Variants in HOXB6 observed in about 807,000 individuals in gnomAD.
The protein encoded by HOXB6 is homeobox B6.
Under a neutral mutation model 24.2 loss-of-function variants are expected in HOXB6, and 18 were observed. That is an observed-to-expected ratio of 0.74 (90% CI 0.51 to 1.10). HOXB6 has a LOEUF of 1.10. Among genes scored for constraint, HOXB6 ranks in the 50% least tolerant of loss-of-function variants. The probability of loss-of-function intolerance (pLI) is 0.00; values close to 1 mark genes in which losing one functional copy is unlikely to be tolerated. For missense variants in HOXB6, 332 were observed against 308.3 expected (o/e 1.08, Z -0.58); for synonymous variants, 159 against 139.1 (o/e 1.14, Z -1.01).
intron 2 of HOXB6, among the ~76,000 whole-genome samples, chr17:48,600,149 T>C (rs960652819): frequency 3.3e-5 from 5 of 152,162 alleles, no homozygotes; most frequent in Admixed American, 6.5e-5. Flanking sequence ...TATCTAGGTA[T>C]GGCTGGGCTT....
At position 48,598,094 on chromosome 17, in the gene HOXB6, C is replaced by T; in HGVS notation, c.57G>A (p.Glu19=). Residue 19 remains glutamate (E), a synonymous_variant, in exon 3 of 4, where the codon GAG becomes GAA. Transcript: ENST00000225648. The part of the protein sequence containing the change: ...TFPVTLASGQ[E]SFLGQLPLYS... ...AGAGCGGTAGCTGGCCCAGGAAGGA[C>T]TCCTGCCCGCTGGCCAGAGTGACGG... is the stretch of plus-strand genomic sequence containing the variant. 2.5e-6 allele frequency: 4 copies of T among 1,602,116 alleles called. No homozygotes were observed. Among genetic ancestry groups the T allele is most frequent in the Non-Finnish European group, 3.4e-6 (4 of 1,172,458 alleles).
At chr17:48,603,228 T>C (rs1283695523) in intron 2 of HOXB6, among the ~76,000 whole-genome samples, 1 of 152,184 alleles carries the variant, frequency 6.6e-6, no homozygotes, top group East Asian at 1.9e-4. Flanking sequence ...ACATCACTTA[T>C]CTCTTGGCTG....
chr17:48,600,596 G>T (rs753222054), intron 2 of HOXB6: 42 of 452,500 alleles, frequency 9.3e-5, no homozygotes, highest in Non-Finnish European at 1.7e-4. Flanking sequence ...AAAAAGAGCA[G>T]GCGGGCAGGG....
chr17:48,596,919 G>A lies in HOXB6; in HGVS notation c.416-247C>T, dbSNP rs1406455077. 1 of 1,379,320 alleles carries A rather than the reference G, an allele frequency of 7.2e-7. No individual in the cohort carries two copies. Among genetic ancestry groups the A allele is most frequent in the East Asian group, 2.7e-5 (1 of 37,090 alleles). 85.4% of individuals were successfully genotyped at this position (1,379,320 alleles called of 1,614,324 possible). A position where few individuals can be genotyped will look rare whatever the true frequency, so the allele number is the denominator to read the frequency against. Reference sequence around the variant, plus strand: ...AGTTTGAACTCCCACCTGAGCCTGGGGGGAGGGGCTGGTCAGGTGTGTCTC... The same window carrying A: ...AGTTTGAACTCCCACCTGAGCCTGGAGGGAGGGGCTGGTCAGGTGTGTCTC... On this transcript the variant is annotated intron_variant, in intron 3 of 3. Coordinates refer to ENST00000225648, the MANE Select transcript of HOXB6 (RefSeq NM_018952.5). The surrounding 1 kb of genome is among the most constrained non-coding windows in gnomAD (Gnocchi z 4.8).
chr17:48,597,980 G>A lies in HOXB6; in HGVS notation c.171C>T (p.Ser57=), dbSNP rs1358359653. Residue 57 remains serine (S), a synonymous_variant, in exon 3 of 4, where the codon TCC becomes TCT. Transcript: ENST00000225648. ...PGQDKGFATS[S]YYPPAGGGYG... is the part of the protein sequence containing the mutation. The stretch of plus-strand genomic sequence containing the variant: ...AGCCACCGCCCGCCGGCGGGTAATA[G>A]GAGGAAGTGGCAAAGCCCTTGTCCT... 6 of 1,588,468 alleles carry A rather than the reference G, an allele frequency of 3.8e-6. No individual in the cohort carries two copies. Among genetic ancestry groups the A allele is most frequent in the East Asian group, 2.3e-5 (1 of 43,548 alleles).
chr17:48,600,405 A>T (rs931705865), intron 2 of HOXB6: 1 of 451,524 alleles, frequency 2.2e-6, no homozygotes, highest in Non-Finnish European at 4.4e-6. Context: ...TAATTGCCTT[A>T]TCTTTAGAGT....
intron 2 of HOXB6, 56 bp from the exon 3 acceptor site, chr17:48,598,284 A>T (rs1026897748): frequency 1.5e-5 from 13 of 865,532 alleles, no homozygotes; most frequent in Non-Finnish European, 2.1e-5. Flanking sequence ...GCGAGGTGCC[A>T]GTGAGGGCCA....
intron 2 of HOXB6, chr17:48,602,609 G>GA (rs1021284591): frequency 5.4e-6 from 1 of 185,082 alleles, no homozygotes; most frequent in African/African-American, 2.4e-5. Flanking sequence ...TCACACCGGG[G>GA]AACCAAGATC....
chr17:48,596,986 T>C lies in HOXB6; in HGVS notation c.416-314A>G. 4 of 1,263,508 alleles carry C rather than the reference T, an allele frequency of 3.2e-6. No homozygotes were observed. Among genetic ancestry groups the C allele is most frequent in the Non-Finnish European group, 4.1e-6 (4 of 987,194 alleles). The allele number at this position is 1,263,508 out of a possible 1,614,324, so 78.3% of individuals were successfully genotyped here. ...GTCTTTCCCTCCCTTTCCATCCATCTTGTTCCCACCCCCCGTCATCCCCCC... is the reference window on the plus strand; with the variant it reads ...GTCTTTCCCTCCCTTTCCATCCATCCTGTTCCCACCCCCCGTCATCCCCCC... On this transcript the variant is annotated intron_variant, in intron 3 of 3. Transcript: ENST00000225648. The surrounding 1 kb of genome is among the most constrained non-coding windows in gnomAD (Gnocchi z 4.8).
chr17:48,598,940 G>C (rs1005288030), intron 2 of HOXB6, among the ~76,000 whole-genome samples: 1 of 152,200 alleles, frequency 6.6e-6, no homozygotes, highest in African/African-American at 2.4e-5. Flanking sequence ...AAGAGGAGGA[G>C]CTGGCAGGAG....
rs2070291653 is a variant in HOXB6 at position 48,596,391 on chromosome 17, C to T, written c.*22G>A. 2 of 1,614,094 alleles carry T rather than the reference C, an allele frequency of 1.2e-6. No homozygotes were observed. Among genetic ancestry groups the T allele is most frequent in the African/African-American group, 1.3e-5 (1 of 74,952 alleles). On this transcript the variant is annotated 3_prime_UTR_variant, in exon 4 of 4. Coordinates refer to ENST00000225648, the MANE Select transcript of HOXB6 (RefSeq NM_018952.5). The surrounding 1 kb of genome is among the most constrained non-coding windows in gnomAD (Gnocchi z 4.8). Reference sequence around the variant, plus strand: ...TCCCCACAGGCCTTTCCCCTCGCGTCCTCCCTCCCTTTCCAGCACCTTCAC... The same window carrying T: ...TCCCCACAGGCCTTTCCCCTCGCGTTCTCCCTCCCTTTCCAGCACCTTCAC...
chr17:48,595,804 T>TATCATC lies in HOXB6; in HGVS notation c.*603_*608dup, dbSNP rs35307473. The TATCATC allele has an allele frequency of 2.1e-3, 395 of 190,654 alleles. 1 individual carries two copies. Among genetic ancestry groups the TATCATC allele is most frequent in the South Asian group, 7.8e-3 (103 of 13,278 alleles). 11.8% of individuals were successfully genotyped at this position (190,654 alleles called of 1,614,324 possible). On this transcript the variant is annotated 3_prime_UTR_variant, in exon 4 of 4. Coordinates refer to ENST00000225648, the MANE Select transcript of HOXB6 (RefSeq NM_018952.5). ...TTGTTGTTGTTATTATTATTATTATTATCATCATCATCATCATCATCATCA... is the reference window on the plus strand; with the variant it reads ...TTGTTGTTGTTATTATTATTATTATTATCATCATCATCATCATCATCATCATCATCA...
At chr17:48,599,605 C>T (rs1299514401) in intron 2 of HOXB6, among the ~76,000 whole-genome samples, 1 of 152,228 alleles carries the variant, frequency 6.6e-6, no homozygotes, top group Non-Finnish European at 1.5e-5. Context: ...GTATCATCAG[C>T]TTTGCCGCCT....
intron 2 of HOXB6, among the ~76,000 whole-genome samples, chr17:48,600,716 G>T (rs1428731059): frequency 6.6e-6 from 1 of 152,158 alleles, no homozygotes; most frequent in Non-Finnish European, 1.5e-5. Context: ...TACACAGCGG[G>T]CTCAGCCATC....
intron 3 of HOXB6, chr17:48,597,045 A>T: frequency 1.7e-6 from 2 of 1,170,244 alleles, no homozygotes; most frequent in Non-Finnish European, 2.1e-6. Context: ...TTAATCCGTA[A>T]TGACGTAGAT....
Position 48,604,860 on chromosome 17 carries a change from A to T in HOXB6, c.-215+2T>A, listed in dbSNP as rs1258725904. 7.9e-6 allele frequency: 1 copy of T among 125,822 alleles called. No homozygotes were observed. Among genetic ancestry groups the T allele is most frequent in the Admixed American group, 9.1e-5 (1 of 10,962 alleles). 7.8% of individuals were successfully genotyped at this position (125,822 alleles called of 1,614,324 possible). ...CTCGCGCTCTCTCTCTTTTCTCCTC[A>T]CCCCCCTCTCTCGTCCTCTCTCTCT... On this transcript the variant is annotated splice_donor_variant, in intron 1 of 3. Coordinates refer to ENST00000225648, the MANE Select transcript of HOXB6 (RefSeq NM_018952.5). LOFTEE classifies it low-confidence loss of function (5UTR_SPLICE).
rs751165204 is a variant in HOXB6, at chr17:48,596,649, G to C, written c.439C>G (p.Arg147Gly). ...CGTGTGTATGTCTGGCGGCCTCGCC[G>C]GCCGCTGGGCCCAAAGGAGGAACCT... ...CNSSSFGPSG[R>G]RGRQTYTRYQ... The change falls in exon 4 of 4, where the codon CGG (arginine) becomes GGG (glycine). Residue 147 changes from arginine to glycine, a missense_variant. Arg to Gly is a moderately radical substitution (Grantham distance 125, BLOSUM62 -2). Transcript: ENST00000225648. This position sits in a 1 kb window ranked among gnomAD's most constrained non-coding sequence, Gnocchi z 4.8. 2 of 1,613,588 alleles carry C rather than the reference G, an allele frequency of 1.2e-6. No homozygotes were observed. The highest frequency in any genetic ancestry group is 1.7e-6 in the Non-Finnish European group (2 of 1,180,042).
intron 2 of HOXB6, among the ~76,000 whole-genome samples, chr17:48,599,901 C>G (rs2070417141): frequency 1.3e-5 from 2 of 152,152 alleles, no homozygotes; most frequent in Non-Finnish European, 2.9e-5. Context: ...GTACAAGACA[C>G]TAGGGAAGGT....
At chr17:48,602,482 T>C (rs1265904632) in intron 2 of HOXB6, 1 of 320,708 alleles carries the variant, frequency 3.1e-6, no homozygotes, top group Non-Finnish European at 6.2e-6. Context: ...TTTTTATATA[T>C]GCCCTAGAGG....
Sources: gnomAD v4.1 joint callset for allele counts (sites outside exome capture counted in the v4.1 genomes callset) on GRCh38, gnomAD v4.1.1 for gene constraint, Gnocchi (gnomAD v3.1) non-coding constraint, MANE v1.5 for transcripts, NCBI Gene and HGNC (gene_info 2026-07-23, HGNC 2026-07-21) for gene names.